The following CDPF1 variants were observed in gnomAD, a reference collection of about 807,000 sequenced individuals.
The protein encoded by CDPF1 is cysteine-rich DPF motif domain-containing protein 1.
A neutral mutation model predicts 8.3 loss-of-function variants in CDPF1; 8 were observed. The observed-to-expected ratio is 0.96, with a 90% CI of 0.57 to 1.74. The LOEUF is 1.74. CDPF1 is among the 40% of genes most tolerant of loss of function. The pLI, the probability that CDPF1 is intolerant of heterozygous loss-of-function variation, is 0.00. For synonymous variants in CDPF1, 62 were observed against 62.9 expected (o/e 0.99, Z 0.07); for missense variants, 151 against 155.3 (o/e 0.97, Z 0.15).
Position 46,247,112 on chromosome 22 carries a change from G to C in CDPF1, c.223C>G (p.Pro75Ala). The change falls in exon 3 of 4, where the codon CCG (proline) becomes GCG (alanine). Residue 75 changes from proline (P) to alanine (A), a missense_variant and splice_region_variant. Coordinates refer to ENST00000314567, the MANE Select transcript of CDPF1 (RefSeq NM_207327.5). The surrounding 1 kb of genome is among the most constrained non-coding windows in gnomAD (Gnocchi z 4.3). ...SLCSRLVCVG[P>A]ECSLFYSKRF... Reference sequence around the variant, plus strand: ...CCCAGCCCACGCTGCTTACCCACCGGGCCCACACACACCAGCCTGCTGCAC... The same window carrying C: ...CCCAGCCCACGCTGCTTACCCACCGCGCCCACACACACCAGCCTGCTGCAC... 6.2e-7 allele frequency: 1 copy of C among 1,612,702 alleles called. No homozygotes were observed. The highest frequency in any genetic ancestry group is 2.2e-5 in the East Asian group (1 of 44,858).
chr22:46,245,960 G>A lies in CDPF1; in HGVS notation c.226-722C>T, dbSNP rs1283899761. ...ATGGTGGGAGCTCCACAGCCACAAG[G>A]GACCCAAATAGAGACTCTGCTGAAG... On this transcript the variant is annotated intron_variant, in intron 3 of 3. Coordinates refer to ENST00000314567, the MANE Select transcript of CDPF1 (RefSeq NM_207327.5). The surrounding 1 kb of genome is among the most constrained non-coding windows in gnomAD (Gnocchi z 6.9). Among the ~76,000 whole-genome samples the A allele has an allele frequency of 6.6e-6, 1 of 152,176 alleles. No homozygotes were observed. Among genetic ancestry groups the A allele is most frequent in the Non-Finnish European group, 1.5e-5 (1 of 68,024 alleles).
Position 46,248,270 on chromosome 22 carries a change from T to C in CDPF1, c.15A>G (p.Val5=), listed in dbSNP as rs1936523367. The change falls in exon 2 of 4, where the codon GTA becomes GTG. Residue 5 remains valine (V), a synonymous_variant. Transcript: ENST00000314567. The surrounding 1 kb of genome is among the most constrained non-coding windows in gnomAD (Gnocchi z 4.1). MASH[V]ECRPLGVFEC... is the part of the protein sequence containing the mutation. ...CAAACACTCCCAGAGGACGGCACTC[T>C]ACATGGGACGCCATCTGCAAGATCA... 1 of 1,611,500 alleles carries C rather than the reference T, an allele frequency of 6.2e-7. No individual in the cohort carries two copies. The highest frequency in any genetic ancestry group is 1.3e-5 in the African/African-American group (1 of 74,810).
rs938346878 is a variant in CDPF1, at chr22:46,246,925, C to T, written c.225+185G>A. 4 of 1,423,934 alleles carry T rather than the reference C, an allele frequency of 2.8e-6. No individual in the cohort carries two copies. In the African/African-American group the frequency reaches 4.3e-5, roughly 15 times the overall value. 88.2% of individuals were successfully genotyped at this position (1,423,934 alleles called of 1,614,324 possible). ...CACCAATTACCTATTTCCATTCCTA[C>T]ACCAGGCTGAGACCCTCTAACTGAC... On this transcript the variant is annotated intron_variant, in intron 3 of 3. Transcript: ENST00000314567. This position sits in a 1 kb window ranked among gnomAD's most constrained non-coding sequence, Gnocchi z 7.1.
rs182128175 is a variant in CDPF1 at position 46,245,972 on chromosome 22, A to G, written c.226-734T>C. On this transcript the variant is annotated intron_variant, in intron 3 of 3. Transcript: ENST00000314567. This position sits in a 1 kb window ranked among gnomAD's most constrained non-coding sequence, Gnocchi z 6.9. ...CCACAGCCACAAGGGACCCAAATAG[A>G]GACTCTGCTGAAGACAACAGGGGTG... Among the ~76,000 whole-genome samples, 230 of 152,310 alleles carry G rather than the reference A, an allele frequency of 1.5e-3. No individual in the cohort carries two copies. The highest frequency in any genetic ancestry group is 2.4e-3 in the Non-Finnish European group (163 of 68,014).
In CDPF1 at chr22:46,244,673, C is replaced by G. The variant is rs1936457270; in HGVS notation, c.*419G>C. ...GAGCTGCTGTCAGTGATTTTCCTTA[C>G]AGAGAGACCATTGCAGCCACCTACA... On this transcript the variant is annotated 3_prime_UTR_variant, in exon 4 of 4. Coordinates refer to ENST00000314567, the MANE Select transcript of CDPF1 (RefSeq NM_207327.5). This position sits in a 1 kb window ranked among gnomAD's most constrained non-coding sequence, Gnocchi z 6.7. 1 of 179,332 alleles carries G rather than the reference C, an allele frequency of 5.6e-6. No homozygotes were observed. The highest frequency in any genetic ancestry group is 1.2e-5 in the Non-Finnish European group (1 of 84,154). 11.1% of individuals were successfully genotyped at this position (179,332 alleles called of 1,614,324 possible).
chr22:46,246,633 C>T lies in CDPF1; in HGVS notation c.225+477G>A. The T allele has an allele frequency of 6.5e-7, 1 of 1,541,964 alleles. No homozygotes were observed. The highest frequency in any genetic ancestry group is 8.8e-7 in the Non-Finnish European group (1 of 1,141,988). On this transcript the variant is annotated intron_variant, in intron 3 of 3. Coordinates refer to ENST00000314567, the MANE Select transcript of CDPF1 (RefSeq NM_207327.5). The surrounding 1 kb of genome is among the most constrained non-coding windows in gnomAD (Gnocchi z 7.1). ...CACCCAGCCTCTCTGAAGCTCAGTT[C>T]CCTCATCTATAAAATGGGTGGAATA...
rs959023449 is a variant in CDPF1 at position 46,250,256 on chromosome 22, C to G, written c.-1G>C. ...AGTCACTCTGCCACCTCGAACTCAC[C>G]GCCGCCCTCGTCCCACGGCTCCGCG... On this transcript the variant is annotated splice_region_variant and 5_prime_UTR_variant, in exon 1 of 4. Transcript: ENST00000314567. 5 of 152,490 alleles carry G rather than the reference C, an allele frequency of 3.3e-5. No homozygotes were observed. Among genetic ancestry groups the G allele is most frequent in the African/African-American group, 1.2e-4 (5 of 41,470 alleles). The allele number at this position is 152,490 out of a possible 1,614,324, so 9.4% of individuals were successfully genotyped here.
Position 46,244,613 on chromosome 22 carries a change from A to T in CDPF1, c.*479T>A, listed in dbSNP as rs1354198114. 1 of 155,642 alleles carries T rather than the reference A, an allele frequency of 6.4e-6. No individual in the cohort carries two copies. The highest frequency in any genetic ancestry group is 1.4e-5 in the Non-Finnish European group (1 of 70,166). 9.6% of individuals were successfully genotyped at this position (155,642 alleles called of 1,614,324 possible). ...CATAAGGATATGAAATAAAAATTCT[A>T]TCCCCCTCTAGACCTTCCAGACTGG... On this transcript the variant is annotated 3_prime_UTR_variant, in exon 4 of 4. Coordinates refer to ENST00000314567, the MANE Select transcript of CDPF1 (RefSeq NM_207327.5). This position sits in a 1 kb window ranked among gnomAD's most constrained non-coding sequence, Gnocchi z 6.7.
chr22:46,244,496 G>A lies in CDPF1; in HGVS notation c.*596C>T, dbSNP rs1197257553. The A allele has an allele frequency of 6.6e-6, 1 of 152,270 alleles. No homozygotes were observed. Among genetic ancestry groups the A allele is most frequent in the East Asian group, 1.9e-4 (1 of 5,200 alleles). The allele number at this position is 152,270 out of a possible 1,614,324, so 9.4% of individuals were successfully genotyped here. A position where few individuals can be genotyped will look rare whatever the true frequency, so the allele number is the denominator to read the frequency against. ...CGTCGGGTATCCAAATGTTTCAGTGGAAGATTCCTTTTCCAAACATGAGCT... is the reference window on the plus strand; with the variant it reads ...CGTCGGGTATCCAAATGTTTCAGTGAAAGATTCCTTTTCCAAACATGAGCT... On this transcript the variant is annotated 3_prime_UTR_variant, in exon 4 of 4. Coordinates refer to ENST00000314567, the MANE Select transcript of CDPF1 (RefSeq NM_207327.5). This position sits in a 1 kb window ranked among gnomAD's most constrained non-coding sequence, Gnocchi z 6.7.
rs1352209392 is a variant in CDPF1 at position 46,247,189 on chromosome 22, G to T, written c.146C>A (p.Pro49His). 2 of 1,613,864 alleles carry T rather than the reference G, an allele frequency of 1.2e-6. No individual in the cohort carries two copies. The highest frequency in any genetic ancestry group is 1.7e-6 in the Non-Finnish European group (2 of 1,179,916). The change falls in exon 3 of 4, where the codon CCC (proline) becomes CAC (histidine). Residue 49 changes from proline (P) to histidine (H), a missense_variant. Transcript: ENST00000314567. This position sits in a 1 kb window ranked among gnomAD's most constrained non-coding sequence, Gnocchi z 4.3. ...GAATCTGTCCTTGTCGGAGGTGAAG[G>T]GATCCTTCATGACATAGCTTTCCTC... ...LLEESYVMKD[P>H]FTSDKDRFLV...
At position 46,248,358 on chromosome 22, in the gene CDPF1, A is replaced by C; in HGVS notation, c.1-74T>G. 1.1e-6 allele frequency: 1 copy of C among 921,918 alleles called. No homozygotes were observed. Among genetic ancestry groups the C allele is most frequent in the Non-Finnish European group, 1.7e-6 (1 of 576,518 alleles). 57.1% of individuals were successfully genotyped at this position (921,918 alleles called of 1,614,324 possible). On this transcript the variant is annotated intron_variant, in intron 1 of 3. Transcript: ENST00000314567. This position sits in a 1 kb window ranked among gnomAD's most constrained non-coding sequence, Gnocchi z 4.1. ...AATCCTGCCCCTTTCCCAGCTATGAAGACCCTAACCATATAGTCCTAGCAC... is the reference window on the plus strand; with the variant it reads ...AATCCTGCCCCTTTCCCAGCTATGACGACCCTAACCATATAGTCCTAGCAC...
rs569694842 is a variant in CDPF1 at position 46,248,968 on chromosome 22, G to A, written c.1-684C>T. On this transcript the variant is annotated intron_variant, in intron 1 of 3. Coordinates refer to ENST00000314567, the MANE Select transcript of CDPF1 (RefSeq NM_207327.5). The surrounding 1 kb of genome is among the most constrained non-coding windows in gnomAD (Gnocchi z 4.1). ...CAGGAGACGGAGCTTGCAGTGAGCC[G>A]AGATCGCGTCACTGCACTCCAGCCT... Among the ~76,000 whole-genome samples the A allele has an allele frequency of 3.3e-5, 5 of 152,166 alleles. No homozygotes were observed. Among genetic ancestry groups the A allele is most frequent in the African/African-American group, 1.2e-4 (5 of 41,562 alleles).
At position 46,244,989 on chromosome 22, in the gene CDPF1, A is replaced by G. The variant is rs940663620; in HGVS notation, c.*103T>C. ...CAGTGCTGCTCCCAGTGGTCCAGAAACAAGGCCAGGCATGGCGGCTCCCAG... is the reference window on the plus strand; with the variant it reads ...CAGTGCTGCTCCCAGTGGTCCAGAAGCAAGGCCAGGCATGGCGGCTCCCAG... On this transcript the variant is annotated 3_prime_UTR_variant, in exon 4 of 4. Transcript: ENST00000314567. This position sits in a 1 kb window ranked among gnomAD's most constrained non-coding sequence, Gnocchi z 6.7. The G allele has an allele frequency of 4.1e-6, 6 of 1,471,032 alleles. No homozygotes were observed. The highest frequency in any genetic ancestry group is 1.4e-5 in the African/African-American group (1 of 71,098). 91.1% of individuals were successfully genotyped at this position (1,471,032 alleles called of 1,614,324 possible).
chr22:46,246,822 A>T lies in CDPF1; in HGVS notation c.225+288T>A. The T allele has an allele frequency of 2.6e-6, 4 of 1,564,538 alleles. No individual in the cohort carries two copies. Among genetic ancestry groups the T allele is most frequent in the Non-Finnish European group, 3.5e-6 (4 of 1,155,550 alleles). Reference sequence around the variant, plus strand: ...TAGAAAGTAAGTCACCATCCTGGTGAGAGGGCGCACAAGGACTGTCTGCAC... The same window carrying T: ...TAGAAAGTAAGTCACCATCCTGGTGTGAGGGCGCACAAGGACTGTCTGCAC... On this transcript the variant is annotated intron_variant, in intron 3 of 3. Coordinates refer to ENST00000314567, the MANE Select transcript of CDPF1 (RefSeq NM_207327.5). The surrounding 1 kb of genome is among the most constrained non-coding windows in gnomAD (Gnocchi z 7.1).
At position 46,249,729 on chromosome 22, in the gene CDPF1, G is replaced by C. The variant is rs1444391201; in HGVS notation, c.-1+527C>G. ...GGCGCCTCTAATCTCATCTACTCAG[G>C]AGACTGAGGTAGGAGAATCGCTTGA... On this transcript the variant is annotated intron_variant, in intron 1 of 3. Coordinates refer to ENST00000314567, the MANE Select transcript of CDPF1 (RefSeq NM_207327.5). This position sits in a 1 kb window ranked among gnomAD's most constrained non-coding sequence, Gnocchi z 4.6. Among the ~76,000 whole-genome samples, 1 of 140,660 alleles carries C rather than the reference G, an allele frequency of 7.1e-6. No individual in the cohort carries two copies. The highest frequency in any genetic ancestry group is 2.6e-5 in the African/African-American group (1 of 38,264). 92.3% of individuals were successfully genotyped at this position (140,660 alleles called of 152,430 possible).
In CDPF1 at chr22:46,245,273, T is replaced by C. The variant is rs771169577; in HGVS notation, c.226-35A>G. The C allele has an allele frequency of 6.2e-7, 1 of 1,609,438 alleles. No homozygotes were observed. Among genetic ancestry groups the C allele is most frequent in the Admixed American group, 1.7e-5 (1 of 59,804 alleles). On this transcript the variant is annotated intron_variant, in intron 3 of 3. Transcript: ENST00000314567. The surrounding 1 kb of genome is among the most constrained non-coding windows in gnomAD (Gnocchi z 6.9). ...GTGGACAAGGATGGAGGCTTGAGTATCCTGGGAACATGGTGCAGCTCCTCC... is the reference window on the plus strand; with the variant it reads ...GTGGACAAGGATGGAGGCTTGAGTACCCTGGGAACATGGTGCAGCTCCTCC...
In CDPF1 at chr22:46,249,513, G is replaced by A. The variant is rs1026716501; in HGVS notation, c.-1+743C>T. Among the ~76,000 whole-genome samples the A allele has an allele frequency of 6.6e-6, 1 of 152,010 alleles. No individual in the cohort carries two copies. Among genetic ancestry groups the A allele is most frequent in the African/African-American group, 2.4e-5 (1 of 41,420 alleles). ...AAAGTACAAAAATTAGCCGAGCATA[G>A]TGGCGGGTGCCTGTAATCCCAGCTA... On this transcript the variant is annotated intron_variant, in intron 1 of 3. Coordinates refer to ENST00000314567, the MANE Select transcript of CDPF1 (RefSeq NM_207327.5). This position sits in a 1 kb window ranked among gnomAD's most constrained non-coding sequence, Gnocchi z 4.6.
rs1433136546 is a variant in CDPF1 at position 46,248,268 on chromosome 22, T to G, written c.17A>C (p.Glu6Ala). The change falls in exon 2 of 4, where the codon GAG (glutamate) becomes GCG (alanine). Residue 6 changes from glutamate (E) to alanine (A), a missense_variant. Coordinates refer to ENST00000314567, the MANE Select transcript of CDPF1 (RefSeq NM_207327.5). The surrounding 1 kb of genome is among the most constrained non-coding windows in gnomAD (Gnocchi z 4.1). MASHV[E>A]CRPLGVFECE... ...CTCAAACACTCCCAGAGGACGGCACTCTACATGGGACGCCATCTGCAAGAT... is the reference window on the plus strand; with the variant it reads ...CTCAAACACTCCCAGAGGACGGCACGCTACATGGGACGCCATCTGCAAGAT... The G allele has an allele frequency of 1.9e-6, 3 of 1,612,262 alleles. No homozygotes were observed. Among genetic ancestry groups the G allele is most frequent in the Middle Eastern group, 3.3e-4 (2 of 6,058 alleles).
chr22:46,249,517 C>T lies in CDPF1; in HGVS notation c.-1+739G>A, dbSNP rs1046832683. 2.0e-5 allele frequency among the ~76,000 whole-genome samples: 3 copies of T among 151,956 alleles called. No individual in the cohort carries two copies. The highest frequency in any genetic ancestry group is 2.9e-5 in the Non-Finnish European group (2 of 67,926). On this transcript the variant is annotated intron_variant, in intron 1 of 3. Transcript: ENST00000314567. This position sits in a 1 kb window ranked among gnomAD's most constrained non-coding sequence, Gnocchi z 4.6. ...TACAAAAATTAGCCGAGCATAGTGGCGGGTGCCTGTAATCCCAGCTACTTA... is the reference window on the plus strand; with the variant it reads ...TACAAAAATTAGCCGAGCATAGTGGTGGGTGCCTGTAATCCCAGCTACTTA...
Sources: allele counts gnomAD v4.1 joint callset (sites outside exome capture counted in the v4.1 genomes callset), GRCh38; gene constraint gnomAD v4.1.1; non-coding constraint Gnocchi (gnomAD v3.1); transcripts MANE v1.5; gene names NCBI Gene and HGNC (gene_info 2026-07-23, HGNC 2026-07-21).